The following ADGRL3 variants were observed in gnomAD, a reference collection of about 807,000 sequenced individuals.
ADGRL3 encodes calcium-independent alpha-latrotoxin receptor 3.
A neutral mutation model predicts 153.5 loss-of-function variants in ADGRL3; 62 were observed. The ratio of observed to expected loss-of-function variants is 0.40; its 90% CI spans 0.33 to 0.50. The LOEUF (loss-of-function observed/expected upper bound fraction) is 0.50. ADGRL3 is among the 20% of genes least tolerant of loss of function. The pLI is 0.47. For synonymous variants in ADGRL3, 710 were observed against 672.5 expected (o/e 1.06, Z -0.86); for missense variants, 1,641 against 1,859.4 (o/e 0.88, Z 2.16).
In ADGRL3 at chr4:61,756,999, G is replaced by A. The variant is rs528868687; in HGVS notation, c.1399+23445G>A. 9.9e-5 allele frequency among the ~76,000 whole-genome samples: 15 copies of A among 152,184 alleles called. No homozygotes were observed. In the South Asian group the frequency reaches 1.2e-3, roughly 13 times the overall value. On this transcript the variant is annotated intron_variant, in intron 8 of 26. Coordinates refer to ENST00000683033, the MANE Select transcript of ADGRL3 (RefSeq NM_001387552.1). ...TTGATCATGGTGGATAAGCTTTTTG[G>A]TGTGCTGCTGGATTCGGTTTGCCAG...
intron 9 of ADGRL3, among the ~76,000 whole-genome samples, chr4:61,875,055 G>T (rs1045401990): frequency 3.3e-5 from 5 of 151,314 alleles, no homozygotes; most frequent in South Asian, 2.1e-4. Context: ...TGATCCACCC[G>T]CCTCGGCCTC....
At chr4:61,581,421 G>T (rs1361096883) in intron 4 of ADGRL3, among the ~76,000 whole-genome samples, 11 of 151,992 alleles carry the variant, frequency 7.2e-5, no homozygotes, top group Non-Finnish European at 2.9e-5. Context: ...GTAATTTTGA[G>T]AACAGGTAGA....
chr4:61,703,347 A>G (rs1413685967), intron 6 of ADGRL3, among the ~76,000 whole-genome samples: 1 of 152,118 alleles, frequency 6.6e-6, no homozygotes, highest in African/African-American at 2.4e-5. Flanking sequence ...TGATCCATTT[A>G]CAATCCTCCT....
chr4:61,748,949 G>C (rs532459362), intron 8 of ADGRL3, among the ~76,000 whole-genome samples: 4 of 150,852 alleles, frequency 2.7e-5, no homozygotes, highest in Non-Finnish European at 4.4e-5. Flanking sequence ...GAAAATTTTC[G>C]CAACCTACTC....
intron 2 of ADGRL3, among the ~76,000 whole-genome samples, chr4:61,465,758 A>AATATATATATATATAT (rs10701021): frequency 0.065 from 8,416 of 129,738 alleles, 365 homozygotes; most frequent in East Asian, 0.091. Context: ...ATTATATATA[A>AATATATATATATATAT]ATATATATAT....
intron 4 of ADGRL3, among the ~76,000 whole-genome samples, chr4:61,544,965 T>C (rs2098706987): frequency 6.6e-6 from 1 of 152,220 alleles, no homozygotes; most frequent in Non-Finnish European, 1.5e-5. Context: ...TTAAAACACA[T>C]TGTCAAATTC....
intron 8 of ADGRL3, among the ~76,000 whole-genome samples, chr4:61,751,548 A>G (rs954098087): frequency 1.3e-5 from 2 of 152,182 alleles, no homozygotes; most frequent in Non-Finnish European, 2.9e-5. Flanking sequence ...TATAATGCAG[A>G]CAAGCATACA....
At chr4:61,370,265 C>G (rs1184581450) in intron 1 of ADGRL3, among the ~76,000 whole-genome samples, 1 of 139,610 alleles carries the variant, frequency 7.2e-6, no homozygotes, top group Non-Finnish European at 1.6e-5. Context: ...TTCTTGCCTT[C>G]TGCTAGCTTT....
At chr4:61,764,629 C>G (rs2096954052) in intron 8 of ADGRL3, among the ~76,000 whole-genome samples, 1 of 152,162 alleles carries the variant, frequency 6.6e-6, no homozygotes, top group Admixed American at 6.5e-5. Context: ...TTAGTTACTT[C>G]AGGCCATCTG....
At chr4:61,360,802 C>T in intron 1 of ADGRL3, among the ~76,000 whole-genome samples, 1 of 152,122 alleles carries the variant, frequency 6.6e-6, no homozygotes, top group East Asian at 1.9e-4. Context: ...GGTGTACTCT[C>T]AAATAGCCTT....
chr4:62,049,474 T>C (rs1201301304), intron 25 of ADGRL3, among the ~76,000 whole-genome samples: 1 of 152,222 alleles, frequency 6.6e-6, no homozygotes, highest in East Asian at 1.9e-4. Flanking sequence ...AAGACTGATC[T>C]GTAGATGTGT....
At chr4:61,724,165 G>T (rs1438721107) in intron 6 of ADGRL3, among the ~76,000 whole-genome samples, 3 of 152,144 alleles carry the variant, frequency 2.0e-5, no homozygotes, top group Non-Finnish European at 4.4e-5. Context: ...ATGTCATGTG[G>T]TTATCATATA....
At position 62,070,353 on chromosome 4, in the gene ADGRL3, G is replaced by C; in HGVS notation, c.4077G>C (p.Leu1359=). 2 of 1,552,330 alleles carry C rather than the reference G, an allele frequency of 1.3e-6. No homozygotes were observed. The highest frequency in any genetic ancestry group is 1.7e-6 in the Non-Finnish European group (2 of 1,147,176). Reference sequence around the variant, plus strand: ...GCTCCAGTGAACAGAACAGGAATCTGATGAACAAGCTGGTGAATAACCTTG... The same window carrying C: ...GCTCCAGTGAACAGAACAGGAATCTCATGAACAAGCTGGTGAATAACCTTG... The part of the protein sequence containing the change: ...HERSSEQNRN[L]MNKLVNNLGS... Residue 1359 remains leucine (L), a synonymous_variant, in exon 27 of 27, where the codon CTG becomes CTC. Coordinates refer to ENST00000683033, the MANE Select transcript of ADGRL3 (RefSeq NM_001387552.1).
At chr4:61,629,781 GATTCATCCAAAA>G (rs2093049491) in intron 5 of ADGRL3, among the ~76,000 whole-genome samples, 1 of 117,048 alleles carries the variant, frequency 8.5e-6, no homozygotes. Context: ...AAGTCATTTG[GATTCATCCAAAA>G]ATTATAATGC....
chr4:61,201,045 G>A lies in ADGRL3; in HGVS notation c.-960G>A, dbSNP rs905964. ...AGAGGGGACCCTCGGCTGGGAGAGA[G>A]CCTCGGGAGGACGAAGAGGAGGACG... On this transcript the variant is annotated 5_prime_UTR_variant, in exon 1 of 27. Transcript: ENST00000683033. 1 allele frequency among the ~76,000 whole-genome samples: 151,551 copies of A among 152,230 alleles called. 75,443 individuals carry two copies. Among genetic ancestry groups the A allele is most frequent in the Middle Eastern group, 1 (294 of 294 alleles).
chr4:61,542,400 T>G (rs2098694564), intron 4 of ADGRL3, among the ~76,000 whole-genome samples: 1 of 152,182 alleles, frequency 6.6e-6, no homozygotes, highest in African/African-American at 2.4e-5. Context: ...TCTAAACATT[T>G]TCTGAGAATT....
chr4:61,368,207 A>G (rs1317226817), intron 1 of ADGRL3, among the ~76,000 whole-genome samples: 1 of 151,968 alleles, frequency 6.6e-6, no homozygotes, highest in Non-Finnish European at 1.5e-5. Context: ...CTCTGATGGT[A>G]GTTTCTTTTG....
At chr4:61,752,694 A>C (rs2096771785) in intron 8 of ADGRL3, among the ~76,000 whole-genome samples, 3 of 152,124 alleles carry the variant, frequency 2.0e-5, no homozygotes, top group Admixed American at 2.0e-4. Flanking sequence ...GCACTTTGGG[A>C]GGCTGAGGTA....
At chr4:61,480,874 G>A (rs1200414837) in intron 2 of ADGRL3, among the ~76,000 whole-genome samples, 1 of 152,014 alleles carries the variant, frequency 6.6e-6, no homozygotes, top group Admixed American at 6.6e-5. Flanking sequence ...CATACAAATG[G>A]CCAACAAGTA....
Sources: gnomAD v4.1 joint callset for allele counts (sites outside exome capture counted in the v4.1 genomes callset) on GRCh38, gnomAD v4.1.1 for gene constraint, MANE v1.5 for transcripts, NCBI Gene and HGNC (gene_info 2026-07-23, HGNC 2026-07-21) for gene names.